Variants in ERC2 observed in about 807,000 individuals in gnomAD.
ERC2 encodes ELKS/RAB6-interacting/CAST family member 2, also known as ERC protein 2.
Under a neutral mutation model 114.8 loss-of-function variants are expected in ERC2, and 42 were observed. The ratio of observed to expected loss-of-function variants is 0.37; its 90% CI spans 0.29 to 0.47. The LOEUF (loss-of-function observed/expected upper bound fraction) is 0.47, where lower values mean the gene tolerates loss of function less well. Among genes scored for constraint, ERC2 ranks in the 20% least tolerant of loss-of-function variants. The pLI is 0.99. For missense variants in ERC2, 939 were observed against 1,150.7 expected (o/e 0.82, Z 2.66); for synonymous variants, 454 against 425.5 (o/e 1.07, Z -0.82).
chr3:55,739,629 T>C (rs182771581), intron 14 of ERC2, among the ~76,000 whole-genome samples: 4 of 152,320 alleles, frequency 2.6e-5, no homozygotes, highest in East Asian at 3.9e-4. Context: ...TAAATTTATT[T>C]AAGTTCTTTG....
chr3:56,010,617 G>T, intron 8 of ERC2, 28 bp from the exon 9 acceptor site: 1 of 1,607,150 alleles, frequency 6.2e-7, no homozygotes, highest in Non-Finnish European at 8.5e-7. Flanking sequence ...AAAAAGAAGA[G>T]GTGAGAACCC....
At chr3:55,924,481 C>T (rs1217661434) in intron 13 of ERC2, among the ~76,000 whole-genome samples, 1 of 152,046 alleles carries the variant, frequency 6.6e-6, no homozygotes, top group South Asian at 2.1e-4. Context: ...CTGTAGGGGC[C>T]TTTTTACTCT....
At chr3:55,539,043 A>G (rs2107324546) in intron 17 of ERC2, among the ~76,000 whole-genome samples, 1 of 152,338 alleles carries the variant, frequency 6.6e-6, no homozygotes, top group African/African-American at 2.4e-5. Flanking sequence ...CTAATTACAT[A>G]ATTTTCTGCA....
At chr3:56,033,399 C>G (rs1246655229) in intron 7 of ERC2, among the ~76,000 whole-genome samples, 1 of 152,226 alleles carries the variant, frequency 6.6e-6, no homozygotes, top group African/African-American at 2.4e-5. Flanking sequence ...CTTACCTTTA[C>G]AGTGAGTTTT....
chr3:55,985,629 A>G (rs2070557167), intron 12 of ERC2, among the ~76,000 whole-genome samples: 1 of 152,202 alleles, frequency 6.6e-6, no homozygotes, highest in East Asian at 1.9e-4. Flanking sequence ...ATCCTGCATT[A>G]TGTTTTTATC....
intron 7 of ERC2, among the ~76,000 whole-genome samples, chr3:56,044,490 T>C (rs1006116610): frequency 6.6e-6 from 1 of 152,154 alleles, no homozygotes; most frequent in Admixed American, 6.6e-5. Flanking sequence ...TTTATTTCCT[T>C]TGAGTTCAAA....
At chr3:55,514,779 C>T (rs1361245498) in intron 17 of ERC2, among the ~76,000 whole-genome samples, 2 of 152,192 alleles carry the variant, frequency 1.3e-5, no homozygotes, top group Non-Finnish European at 2.9e-5. Flanking sequence ...CTAAGTCCAC[C>T]TTGACTTTGG....
intron 13 of ERC2, among the ~76,000 whole-genome samples, chr3:55,949,015 T>G (rs988864531): frequency 2.6e-5 from 4 of 152,216 alleles, no homozygotes; most frequent in African/African-American, 9.6e-5. Context: ...TTATTATCCT[T>G]GTTTTACGGA....
chr3:56,149,707 T>G (rs190867229), intron 4 of ERC2, among the ~76,000 whole-genome samples: 1 of 152,308 alleles, frequency 6.6e-6, no homozygotes, highest in African/African-American at 2.4e-5. Flanking sequence ...TATTGAAAAT[T>G]TATAGTGATT....
At chr3:55,573,703 C>T (rs1200683728) in intron 17 of ERC2, among the ~76,000 whole-genome samples, 1 of 152,106 alleles carries the variant, frequency 6.6e-6, no homozygotes, top group East Asian at 1.9e-4. Flanking sequence ...CCTCAGCCCA[C>T]ATGTCCCTGC....
At chr3:55,921,040 C>A (rs1360296124) in intron 13 of ERC2, among the ~76,000 whole-genome samples, 1 of 152,098 alleles carries the variant, frequency 6.6e-6, no homozygotes, top group Non-Finnish European at 1.5e-5. Flanking sequence ...CCTCTGAGCA[C>A]ACCCTAAAAC....
At chr3:56,153,906 A>G (rs867524881) in intron 4 of ERC2, among the ~76,000 whole-genome samples, 2 of 152,228 alleles carry the variant, frequency 1.3e-5, no homozygotes, top group Admixed American at 1.3e-4. Context: ...CTGTGATCAC[A>G]TATTGGTCTA....
chr3:55,913,122 A>G (rs1318447562), intron 13 of ERC2, among the ~76,000 whole-genome samples: 1 of 152,180 alleles, frequency 6.6e-6, no homozygotes, highest in East Asian at 1.9e-4. Flanking sequence ...AGTAGCTAAG[A>G]CTATGGGTGC....
At chr3:55,825,987 GAC>G (rs1287137526) in intron 14 of ERC2, among the ~76,000 whole-genome samples, 3 of 150,326 alleles carry the variant, frequency 2.0e-5, no homozygotes, top group African/African-American at 7.3e-5. Flanking sequence ...AGGAAGGAAA[GAC>G]AGAGGGAGGG....
intron 10 of ERC2, among the ~76,000 whole-genome samples, chr3:56,005,368 C>G (rs183211865): frequency 3.9e-4 from 60 of 152,014 alleles, no homozygotes; most frequent in Admixed American, 3.8e-3. Context: ...TGTCTACCTG[C>G]GAGTCAAAGG....
At chr3:56,326,286 T>C (rs952255459) in intron 2 of ERC2, among the ~76,000 whole-genome samples, 1 of 152,162 alleles carries the variant, frequency 6.6e-6, no homozygotes, top group African/African-American at 2.4e-5. Context: ...GGAAAGCAGA[T>C]AGTGAAGACA....
chr3:56,261,894 T>C lies in ERC2; in HGVS notation c.1074+34125A>G, dbSNP rs915962379. Reference sequence around the variant, plus strand: ...CCACCCTCCAATAGTCCCCAGTGTGTGTTGTTCCCCTCTATGTGTCCATGT... The same window carrying C: ...CCACCCTCCAATAGTCCCCAGTGTGCGTTGTTCCCCTCTATGTGTCCATGT... On this transcript the variant is annotated intron_variant, in intron 3 of 17. Coordinates refer to ENST00000288221, the MANE Select transcript of ERC2 (RefSeq NM_015576.3). Among the ~76,000 whole-genome samples, 6 of 152,152 alleles carry C rather than the reference T, an allele frequency of 3.9e-5. No homozygotes were observed. In the South Asian group the frequency reaches 8.3e-4, roughly 21 times the overall value.
At chr3:56,447,927 C>G (rs1418348847) in intron 1 of ERC2, among the ~76,000 whole-genome samples, 1 of 151,924 alleles carries the variant, frequency 6.6e-6, no homozygotes, top group African/African-American at 2.4e-5. Flanking sequence ...ATTTTTAGTA[C>G]AGATGGGGCT....
intron 3 of ERC2, among the ~76,000 whole-genome samples, chr3:56,183,369 G>C (rs1455825611): frequency 6.6e-6 from 1 of 152,212 alleles, no homozygotes; most frequent in East Asian, 1.9e-4. Context: ...CCTTGGGCAA[G>C]TTACTGGATT....
Sources: allele counts gnomAD v4.1 joint callset (sites outside exome capture counted in the v4.1 genomes callset), GRCh38; gene constraint gnomAD v4.1.1; transcripts MANE v1.5; gene names NCBI Gene and HGNC (gene_info 2026-07-23, HGNC 2026-07-21).